Variants in SFSWAP observed in about 807,000 individuals in gnomAD.
SFSWAP encodes splicing factor, suppressor of white-apricot homolog.
A neutral mutation model predicts 100.7 loss-of-function variants in SFSWAP; 17 were observed. The ratio of observed to expected loss-of-function variants is 0.17; its 90% CI spans 0.12 to 0.25. The LOEUF (loss-of-function observed/expected upper bound fraction) is 0.25. SFSWAP is among the 10% of genes least tolerant of loss of function. SFSWAP has a pLI of 1.00. For missense variants in SFSWAP, 1,005 were observed against 1,262.6 expected (o/e 0.80, Z 3.09); for synonymous variants, 504 against 510.1 (o/e 0.99, Z 0.16).
At chr12:131,713,285 G>C (rs905440413) in intron 1 of SFSWAP, 1 of 152,192 alleles carries the variant, frequency 6.6e-6, no homozygotes. Context: ...AGCAGAAAGT[G>C]CTCCCATTAC....
chr12:131,735,190 C>G (rs1284005150), intron 7 of SFSWAP, among the ~76,000 whole-genome samples: 1 of 152,134 alleles, frequency 6.6e-6, no homozygotes, highest in East Asian at 1.9e-4. Flanking sequence ...TCCCCACAAC[C>G]TCCCCCAGCG....
At position 131,747,100 on chromosome 12, in the gene SFSWAP, T is replaced by C. The variant is rs570297538; in HGVS notation, c.1082-6023T>C. 5.7e-3 allele frequency among the ~76,000 whole-genome samples: 350 copies of C among 61,006 alleles called. 4 individuals carry two copies. The highest frequency in any genetic ancestry group is 8.8e-3 in the Non-Finnish European group (232 of 26,478). 40.0% of individuals were successfully genotyped at this position (61,006 alleles called of 152,430 possible). Reference sequence around the variant, plus strand: ...GCCTGGGCAACAGAGCGAGACTCTGTCTCAAAAAAAAAAAAAAAAGCTCAT... The same window carrying C: ...GCCTGGGCAACAGAGCGAGACTCTGCCTCAAAAAAAAAAAAAAAAGCTCAT... On this transcript the variant is annotated intron_variant, in intron 7 of 17. Coordinates refer to ENST00000261674, the MANE Select transcript of SFSWAP (RefSeq NM_004592.4).
chr12:131,795,810 G>A (rs948606162), intron 15 of SFSWAP, among the ~76,000 whole-genome samples: 3 of 151,186 alleles, frequency 2.0e-5, no homozygotes, highest in Admixed American at 6.6e-5. Flanking sequence ...AGAGAACCAC[G>A]GTTCCCCCTT....
intron 7 of SFSWAP, among the ~76,000 whole-genome samples, chr12:131,749,880 C>T (rs1006159155): frequency 2.6e-5 from 4 of 152,230 alleles, no homozygotes; most frequent in Admixed American, 6.5e-5. Flanking sequence ...AGGGTCCCCA[C>T]GCGAGCCCAG....
At position 131,778,206 on chromosome 12, in the gene SFSWAP, A is replaced by G. The variant is rs1884178806; in HGVS notation, c.2284A>G (p.Lys762Glu). ...EEKEKKKKKH[K>E]KRSRTRSRSP... is the part of the protein sequence containing the mutation. Reference sequence around the variant, plus strand: ...GAAAGAAAAGAAAAAGAAAAAGCACAAAAAAAGATCTCGAACAAGATCACG... The same window carrying G: ...GAAAGAAAAGAAAAAGAAAAAGCACGAAAAAAGATCTCGAACAAGATCACG... The change falls in exon 14 of 18, where the codon AAA (lysine) becomes GAA (glutamate). Residue 762 changes from lysine (K) to glutamate (E), a missense_variant. Physicochemically the swap from Lys to Glu is moderately conservative, Grantham distance 56 (BLOSUM62 1). Around this residue, in one of 7 missense-constraint regions of SFSWAP, gnomAD observed 295 missense variants for 347.9 expected, o/e 0.85. Transcript: ENST00000261674. The surrounding 1 kb of genome is among the most constrained non-coding windows in gnomAD (Gnocchi z 4.2). 6.2e-7 allele frequency: 1 copy of G among 1,614,070 alleles called. No homozygotes were observed. The highest frequency in any genetic ancestry group is 2.2e-5 in the East Asian group (1 of 44,876).
intron 7 of SFSWAP, among the ~76,000 whole-genome samples, chr12:131,744,060 C>G (rs1424750843): frequency 6.6e-6 from 1 of 152,200 alleles, no homozygotes; most frequent in African/African-American, 2.4e-5. Context: ...ACCCTGGGCC[C>G]AGACCACGAA....
intron 4 of SFSWAP, among the ~76,000 whole-genome samples, chr12:131,720,972 G>A (rs1389835955): frequency 6.6e-6 from 1 of 152,190 alleles, no homozygotes; most frequent in Non-Finnish European, 1.5e-5. Flanking sequence ...AGGCTGTACA[G>A]GAAGCCGGGC....
At chr12:131,780,126 A>G (rs1310251327) in intron 14 of SFSWAP, among the ~76,000 whole-genome samples, 1 of 152,162 alleles carries the variant, frequency 6.6e-6, no homozygotes, top group Non-Finnish European at 1.5e-5. Flanking sequence ...TTAAAGTTTG[A>G]CAAGCATTTA....
rs1419527459 is a variant in SFSWAP at position 131,711,552 on chromosome 12, C to T, written c.218+105C>T. On this transcript the variant is annotated intron_variant, in intron 1 of 17. Transcript: ENST00000261674. This position sits in a 1 kb window ranked among gnomAD's most constrained non-coding sequence, Gnocchi z 4.9. ...ACTGCAGAGAGTTTTCTGGAGCCAG[C>T]GGGGATCTGGGGGACACCCCCTCCC... The T allele has an allele frequency of 1.5e-5, 15 of 978,340 alleles. No homozygotes were observed. The highest frequency in any genetic ancestry group is 2.3e-5 in the Non-Finnish European group (15 of 650,206). 60.6% of individuals were successfully genotyped at this position (978,340 alleles called of 1,614,324 possible).
intron 15 of SFSWAP, among the ~76,000 whole-genome samples, chr12:131,787,262 C>T (rs535418951): frequency 1.5e-4 from 23 of 152,092 alleles, no homozygotes; most frequent in Non-Finnish European, 2.5e-4. Flanking sequence ...GAGGTTCCAC[C>T]TTTCACTTCA....
Position 131,754,452 on chromosome 12 carries a change from G to A in SFSWAP, c.1407G>A (p.Arg469=), listed in dbSNP as rs774638277. The change falls in exon 9 of 18, where the codon AGG becomes AGA. Residue 469 remains arginine (R), a synonymous_variant. Transcript: ENST00000261674. The part of the protein sequence containing the change: ...VIDKLAEYVA[R]NGLKFETSVR... Reference sequence around the variant, plus strand: ...ACAAGCTGGCCGAGTATGTCGCCAGGAACGGCCTGAAGTTCGAGACCAGTG... The same window carrying A: ...ACAAGCTGGCCGAGTATGTCGCCAGAAACGGCCTGAAGTTCGAGACCAGTG... 5 of 1,604,266 alleles carry A rather than the reference G, an allele frequency of 3.1e-6. No homozygotes were observed. The highest frequency in any genetic ancestry group is 4.6e-5 in the East Asian group (2 of 43,838).
intron 13 of SFSWAP, among the ~76,000 whole-genome samples, chr12:131,772,176 G>A (rs977393595): frequency 6.6e-6 from 1 of 152,140 alleles, no homozygotes; most frequent in Non-Finnish European, 1.5e-5. Context: ...CGTCACTATC[G>A]ATGCAACGCA....
intron 14 of SFSWAP, chr12:131,784,623 A>G (rs559865488): frequency 3.9e-4 from 60 of 153,054 alleles, no homozygotes; most frequent in Admixed American, 1.5e-3. Context: ...TGGTCACATT[A>G]TACGGATGAT....
chr12:131,761,342 G>A (rs568147734), intron 11 of SFSWAP, among the ~76,000 whole-genome samples: 5 of 152,334 alleles, frequency 3.3e-5, no homozygotes, highest in Admixed American at 6.5e-5. Flanking sequence ...AGGGGTGCCC[G>A]ATGCCATGTT....
intron 7 of SFSWAP, among the ~76,000 whole-genome samples, chr12:131,735,167 C>A (rs998558494): frequency 2.6e-5 from 4 of 152,176 alleles, no homozygotes; most frequent in Admixed American, 1.3e-4. Context: ...GACAGAAAAG[C>A]CCAAAAATCA....
chr12:131,795,778 C>G (rs1885594373), intron 15 of SFSWAP, among the ~76,000 whole-genome samples: 2 of 151,312 alleles, frequency 1.3e-5, no homozygotes, highest in African/African-American at 4.9e-5. Flanking sequence ...ATAGCAACCC[C>G]AGGAGAGAGT....
intron 3 of SFSWAP, among the ~76,000 whole-genome samples, chr12:131,715,396 C>T (rs1877801916): frequency 6.6e-6 from 1 of 152,200 alleles, no homozygotes; most frequent in Non-Finnish European, 1.5e-5. Context: ...GAGGGAGTTT[C>T]TACTCCCCAG....
At position 131,799,578 on chromosome 12, in the gene SFSWAP, T is replaced by G; in HGVS notation, c.*90T>G. On this transcript the variant is annotated 3_prime_UTR_variant, in exon 18 of 18. Transcript: ENST00000261674. ...CGGCCACACCATCCACCTGGCCGCC[T>G]CCATGGACCCTTGGTGGCTTTTGTA... The G allele has an allele frequency of 9.9e-7, 1 of 1,006,848 alleles. No individual in the cohort carries two copies. The allele number at this position is 1,006,848 out of a possible 1,614,324, so 62.4% of individuals were successfully genotyped here.
chr12:131,752,291 C>T (rs576464736), intron 7 of SFSWAP, among the ~76,000 whole-genome samples: 1 of 152,288 alleles, frequency 6.6e-6, no homozygotes, highest in South Asian at 2.1e-4. Context: ...TCTGTGTAGT[C>T]AGAACTACTT....
Sources: gnomAD v4.1 joint callset for allele counts (sites outside exome capture counted in the v4.1 genomes callset) on GRCh38, gnomAD v4.1.1 for gene constraint, gnomAD v4.1.1 regional missense constraint, Gnocchi (gnomAD v3.1) non-coding constraint, MANE v1.5 for transcripts, NCBI Gene and HGNC (gene_info 2026-07-23, HGNC 2026-07-21) for gene names.